The following CEACAM3 variants were observed in gnomAD, a reference collection of about 807,000 sequenced individuals.
The protein encoded by CEACAM3 is CEA cell adhesion molecule 3, also known as cell adhesion molecule CEACAM3.
A neutral mutation model predicts 30.1 loss-of-function variants in CEACAM3; 32 were observed. The observed-to-expected ratio is 1.06, with a 90% confidence interval of 0.80 to 1.43. CEACAM3 has a LOEUF of 1.43. CEACAM3 is among the 40% of genes most tolerant of loss of function. The pLI is 0.00. For synonymous variants in CEACAM3, 134 were observed against 127.2 expected, an observed-to-expected ratio of 1.05 and a Z score of -0.36; for missense variants, 290 against 316.3, an observed-to-expected ratio of 0.92 and a Z score of 0.63.
At chr19:41,806,326 G>A (rs181331852) in intron 2 of CEACAM3, among the ~76,000 whole-genome samples, 6 of 152,150 alleles carry the variant, frequency 3.9e-5, no homozygotes, top group East Asian at 3.9e-4. Flanking sequence ...CACCGCACCC[G>A]GCCTTCTACT....
intron 2 of CEACAM3, among the ~76,000 whole-genome samples, chr19:41,803,717 T>A (rs2073174904): frequency 0.36 from 36,875 of 101,284 alleles, 11,408 homozygotes; most frequent in Middle Eastern, 0.61. Context: ...CTGCCCGCCT[T>A]GGCCTCCAAA....
chr19:41,808,325 A>G (rs1268973248), intron 2 of CEACAM3, among the ~76,000 whole-genome samples: 2 of 152,220 alleles, frequency 1.3e-5, no homozygotes, highest in African/African-American at 2.4e-5. Context: ...CTAACTCTGC[A>G]GCTGGGGGTG....
At position 41,810,720 on chromosome 19, in the gene CEACAM3, G is replaced by A. The variant is rs781865775; in HGVS notation, c.628-112G>A. The stretch of plus-strand genomic sequence containing the variant: ...GAGGCTGAGCTCAGGGGCAGAGCTG[G>A]TCACTCCTGAGGGGAAATGACCAGA... On this transcript the variant is annotated intron_variant, in intron 5 of 6. Transcript: ENST00000357396. 107 of 1,014,042 alleles carry A rather than the reference G, an allele frequency of 1.1e-4. No individual in the cohort carries two copies. In the Admixed American group the frequency reaches 1.4e-3, roughly 13 times the overall value. The allele number at this position is 1,014,042 out of a possible 1,614,324, so 62.8% of individuals were successfully genotyped here. A position where few individuals can be genotyped will look rare whatever the true frequency, so the allele number is the denominator to read the frequency against.
chr19:41,804,877 T>C (rs1600519523), intron 2 of CEACAM3, among the ~76,000 whole-genome samples: 1 of 152,100 alleles, frequency 6.6e-6, no homozygotes, highest in South Asian at 2.1e-4. Flanking sequence ...AACTCCTTTG[T>C]CTAAACTCCT....
chr19:41,797,544 C>G (rs2122986910), intron 1 of CEACAM3, 45 bp from the exon 2 acceptor site: 2 of 1,575,396 alleles, frequency 1.3e-6, no homozygotes, highest in East Asian at 4.5e-5. Context: ...TCTTTCCATC[C>G]CAATACATGG....
intron 2 of CEACAM3, among the ~76,000 whole-genome samples, chr19:41,807,786 ATTCCCACCAT>A (rs2073215225): frequency 6.6e-6 from 1 of 152,132 alleles, no homozygotes; most frequent in Admixed American, 6.5e-5. Context: ...TGGACCGGGC[ATTCCCACCAT>A]TTCCCCCCCA....
chr19:41,800,124 A>T (rs1403751835), intron 2 of CEACAM3, among the ~76,000 whole-genome samples: 1 of 152,246 alleles, frequency 6.6e-6, no homozygotes, highest in South Asian at 2.1e-4. Context: ...ATTAATCATT[A>T]GTTGGTAGCA....
chr19:41,808,752 C>A (rs1555827143), intron 2 of CEACAM3, 61 bp from the exon 3 acceptor site: 2 of 1,368,964 alleles, frequency 1.5e-6, no homozygotes, highest in African/African-American at 1.4e-5. Flanking sequence ...CTGCAAGGCC[C>A]CTGTGGTTTC....
intron 4 of CEACAM3, 108 bp from the exon 5 acceptor site, chr19:41,810,215 C>T: frequency 6.9e-7 from 1 of 1,445,694 alleles, no homozygotes; most frequent in Non-Finnish European, 9.6e-7. Flanking sequence ...GTCACCTCCC[C>T]AACCTCAGCT....
rs1019639704 is a variant in CEACAM3 at position 41,811,208 on chromosome 19, A to C, written c.730A>C (p.Met244Leu). Residue 244 changes from methionine to leucine, a missense_variant, in exon 7 of 7, where the codon ATG becomes CTG. Coordinates refer to ENST00000357396, the MANE Select transcript of CEACAM3 (RefSeq NM_001815.5). Reference sequence around the variant, plus strand: ...ACATGACACAAACATTTACTGCCGGATGGACCACAAAGCAGAAGTGGCTTC... The same window carrying C: ...ACATGACACAAACATTTACTGCCGGCTGGACCACAAAGCAGAAGTGGCTTC... ...LKHDTNIYCR[M>L]DHKAEVAS The C allele has an allele frequency of 3.1e-6, 5 of 1,614,050 alleles. No homozygotes were observed. Among genetic ancestry groups the C allele is most frequent in the Non-Finnish European group, 3.4e-6 (4 of 1,179,998 alleles).
intron 2 of CEACAM3, among the ~76,000 whole-genome samples, chr19:41,805,818 T>C (rs2073193790): frequency 6.6e-6 from 1 of 152,220 alleles, no homozygotes; most frequent in African/African-American, 2.4e-5. Context: ...CACCAGTCAG[T>C]TCTGCATTTG....
At chr19:41,807,665 G>A in intron 2 of CEACAM3, 1 of 1,166,254 alleles carries the variant, frequency 8.6e-7, no homozygotes, top group Non-Finnish European at 1.1e-6. Context: ...GTTTCGTTAG[G>A]ACTTCAAGGT....
At chr19:41,809,711 C>T (rs1464643809) in intron 3 of CEACAM3, 1 of 418,336 alleles carries the variant, frequency 2.4e-6, no homozygotes, top group African/African-American at 2.0e-5. Context: ...AGTCCCTTTC[C>T]TGGGTCCCTG....
intron 2 of CEACAM3, among the ~76,000 whole-genome samples, chr19:41,801,415 C>T (rs185198452): frequency 2.6e-5 from 4 of 152,306 alleles, no homozygotes; most frequent in Non-Finnish European, 4.4e-5. Context: ...AGGACAGGGA[C>T]GAGCGACTCC....
At chr19:41,800,859 G>A (rs1271265337) in intron 2 of CEACAM3, among the ~76,000 whole-genome samples, 6 of 152,026 alleles carry the variant, frequency 3.9e-5, no homozygotes, top group African/African-American at 1.4e-4. Context: ...ACCAGTCTCC[G>A]CGCATTGGTG....
intron 3 of CEACAM3, chr19:41,809,235 G>A (rs2073229159): frequency 3.2e-6 from 1 of 308,876 alleles, no homozygotes; most frequent in East Asian, 5.7e-5. Context: ...GAAGTAGGGA[G>A]GGAGGGAGGG....
chr19:41,811,385 T>C lies in CEACAM3; in HGVS notation c.*148T>C. 1 of 683,318 alleles carries C rather than the reference T, an allele frequency of 1.5e-6. No homozygotes were observed. Among genetic ancestry groups the C allele is most frequent in the Non-Finnish European group, 2.5e-6 (1 of 392,998 alleles). 42.3% of individuals were successfully genotyped at this position (683,318 alleles called of 1,614,324 possible). On this transcript the variant is annotated 3_prime_UTR_variant, in exon 7 of 7. Coordinates refer to ENST00000357396, the MANE Select transcript of CEACAM3 (RefSeq NM_001815.5). Reference sequence around the variant, plus strand: ...GTCTGGGGGCAGGGAGGGATGGGGGTCCCTGATGAATATCTGGAGACCTCG... The same window carrying C: ...GTCTGGGGGCAGGGAGGGATGGGGGCCCCTGATGAATATCTGGAGACCTCG...
At chr19:41,807,375 C>T (rs946707943) in intron 2 of CEACAM3, 77 of 1,601,624 alleles carry the variant, frequency 4.8e-5, no homozygotes, top group African/African-American at 3.4e-4. Flanking sequence ...GACCCAGTCA[C>T]GCTGAATGTC....
chr19:41,806,239 A>G (rs1157471518), intron 2 of CEACAM3, among the ~76,000 whole-genome samples: 1 of 152,144 alleles, frequency 6.6e-6, no homozygotes, highest in Non-Finnish European at 1.5e-5. Context: ...CATGTTGGTC[A>G]GGCTGGTCTC....
Sources: gnomAD v4.1 joint callset for allele counts (sites outside exome capture counted in the v4.1 genomes callset) on GRCh38, gnomAD v4.1.1 for gene constraint, MANE v1.5 for transcripts, NCBI Gene and HGNC (gene_info 2026-07-23, HGNC 2026-07-21) for gene names.